Variants in THBS2 observed in about 807,000 individuals in gnomAD.
The protein encoded by THBS2 is thrombospondin 2, also known as thrombospondin-2.
In THBS2, 47 loss-of-function variants were observed where a neutral mutation model predicts 135.2. The ratio of observed to expected loss-of-function variants is 0.35; its 90% CI spans 0.28 to 0.44. THBS2 has a LOEUF of 0.44. Ranked by LOEUF, THBS2 falls within the 20% of genes least tolerant of loss-of-function variation. The probability of loss-of-function intolerance (pLI) is 1.00; values close to 1 mark genes in which losing one functional copy is unlikely to be tolerated. For missense variants in THBS2, 1,288 were observed against 1,603.1 expected, an observed-to-expected ratio of 0.80 and a Z score of 3.36; for synonymous variants, 639 against 633.8, an observed-to-expected ratio of 1.01 and a Z score of -0.12.
intron 1 of THBS2, among the ~76,000 whole-genome samples, chr6:169,251,830 ACCC>A (rs10714692): frequency 8.8e-5 from 7 of 79,212 alleles, no homozygotes; most frequent in Middle Eastern, 6.1e-3. Context: ...TGCTGCTGGG[ACCC>A]CCCCCCCAAA....
At chr6:169,230,430 T>G (rs1779792469) in intron 13 of THBS2, among the ~76,000 whole-genome samples, 1 of 152,176 alleles carries the variant, frequency 6.6e-6, no homozygotes, top group Admixed American at 6.5e-5. Flanking sequence ...GGTCTTGTGC[T>G]GGAGCCCAGA....
intron 15 of THBS2, 51 bp downstream of exon 15, chr6:169,228,071 T>C (rs1319272124): frequency 2.1e-6 from 3 of 1,444,320 alleles, no homozygotes; most frequent in Non-Finnish European, 2.7e-6. Flanking sequence ...TGAAACTCCA[T>C]CTCAAAAAAA....
intron 15 of THBS2, among the ~76,000 whole-genome samples, chr6:169,226,689 A>T (rs572758164): frequency 1.3e-5 from 2 of 152,336 alleles, no homozygotes; most frequent in African/African-American, 4.8e-5. Context: ...GAGTAGGAAA[A>T]AAACAATGGC....
intron 4 of THBS2, among the ~76,000 whole-genome samples, chr6:169,242,997 CTTCCCACCTTCCCACA>C (rs1402274759): frequency 1.2e-4 from 6 of 49,090 alleles, no homozygotes; most frequent in East Asian, 2.4e-3. Context: ...ACATTCGCAC[CTTCCCACCTTCCCACA>C]TTCCCACCTT....
At position 169,239,775 on chromosome 6, in the gene THBS2, T is replaced by C. The variant is rs1180110268; in HGVS notation, c.1033-80A>G. ...GTACAAGGGCTGAGACTAGAAGGGGTCGACAGAATGGCTGAATGTTTTCCA... is the reference window on the plus strand; with the variant it reads ...GTACAAGGGCTGAGACTAGAAGGGGCCGACAGAATGGCTGAATGTTTTCCA... On this transcript the variant is annotated intron_variant, in intron 6 of 21. Transcript: ENST00000617924. 4 of 1,063,978 alleles carry C rather than the reference T, an allele frequency of 3.8e-6. No homozygotes were observed. In the African/African-American group the frequency reaches 6.3e-5, roughly 17 times the overall value. 65.9% of individuals were successfully genotyped at this position (1,063,978 alleles called of 1,614,324 possible). A position where few individuals can be genotyped will look rare whatever the true frequency, so the allele number is the denominator to read the frequency against.
intron 13 of THBS2, among the ~76,000 whole-genome samples, chr6:169,230,963 T>G (rs1355470142): frequency 6.6e-6 from 1 of 152,240 alleles, no homozygotes; most frequent in Non-Finnish European, 1.5e-5. Flanking sequence ...TCAAATGATA[T>G]TTTGTGTCAG....
In THBS2 at chr6:169,248,664, G is replaced by T. The variant is rs150322618; in HGVS notation, c.362C>A (p.Ala121Glu). 1 of 1,614,052 alleles carries T rather than the reference G, an allele frequency of 6.2e-7. No homozygotes were observed. The highest frequency in any genetic ancestry group is 1.7e-5 in the Admixed American group (1 of 60,018). The stretch of plus-strand genomic sequence containing the variant: ...CCAGTAGGTGAGATCCAGCGTGTCC[G>T]CGGGGCCGTTGGAGACGATCTCGAA... ...RQFEIVSNGPADTLDLTYWID... is the reference protein window; with the variant it reads ...RQFEIVSNGPEDTLDLTYWID... The change falls in exon 3 of 22, where the codon GCG becomes GAG. Residue 121 changes from alanine (A) to glutamate (E), a missense_variant. Physicochemically the swap from Ala to Glu is moderately radical, Grantham distance 107 (BLOSUM62 -1). Transcript: ENST00000617924.
At chr6:169,248,185 GT>G (rs1256751552) in intron 3 of THBS2, among the ~76,000 whole-genome samples, 19 of 151,926 alleles carry the variant, frequency 1.3e-4, no homozygotes, top group African/African-American at 4.4e-4. Context: ...TTGTGTGTGT[GT>G]GTGGTGTGTG....
At chr6:169,234,653 A>G in intron 10 of THBS2, 81 bp downstream of exon 10, 1 of 1,330,384 alleles carries the variant, frequency 7.5e-7, no homozygotes. Context: ...TGTGTTTTTC[A>G]TCTAGTTTCC....
rs369717622 is a variant in THBS2 at position 169,230,611 on chromosome 6, AT to A, written c.2152-933del. 1.7e-4 allele frequency among the ~76,000 whole-genome samples: 26 copies of A among 152,334 alleles called. No homozygotes were observed. In the East Asian group the frequency reaches 4.8e-3, roughly 28 times the overall value. ...GTCTCACTTTTAAATCCTTTTGTGT[AT>A]GTGTATATATACATATAACTTTGCA... On this transcript the variant is annotated intron_variant, in intron 13 of 21. Transcript: ENST00000617924.
At chr6:169,250,594 C>T (rs192001746) in intron 2 of THBS2, 139 bp downstream of exon 2, 5 of 628,310 alleles carry the variant, frequency 8.0e-6, no homozygotes, top group African/African-American at 7.4e-5. Flanking sequence ...AAGTAAGTTA[C>T]TATTTGATTT....
chr6:169,240,166 T>C (rs1225906441), intron 6 of THBS2, among the ~76,000 whole-genome samples: 1 of 152,246 alleles, frequency 6.6e-6, no homozygotes, highest in African/African-American at 2.4e-5. Context: ...ATGCAGAGTC[T>C]AGGGCCATGT....
At chr6:169,250,685 C>T in intron 2 of THBS2, 48 bp downstream of exon 2, 1 of 1,568,216 alleles carries the variant, frequency 6.4e-7, no homozygotes, top group Non-Finnish European at 8.7e-7. Context: ...TGCAGCTAAG[C>T]CATATCTCAC....
chr6:169,248,047 GTC>G (rs1780614064), intron 3 of THBS2, among the ~76,000 whole-genome samples: 1 of 127,524 alleles, frequency 7.8e-6, no homozygotes, highest in Admixed American at 7.7e-5. Flanking sequence ...GTGTGTGCGT[GTC>G]TGTGTGTGTG....
At chr6:169,245,988 CT>C (rs766405119) in intron 4 of THBS2, 4 of 411,560 alleles carry the variant, frequency 9.7e-6, no homozygotes, top group Non-Finnish European at 1.7e-5. Flanking sequence ...TTAAAATTAA[CT>C]GTTTAATCAA....
At chr6:169,219,318 A>G (rs1779329126) in intron 21 of THBS2, among the ~76,000 whole-genome samples, 3 of 37,722 alleles carry the variant, frequency 8.0e-5, no homozygotes, top group East Asian at 6.7e-4. Flanking sequence ...TGGATGGATG[A>G]GATGGGTGGG....
chr6:169,241,425 GTATGTGTGTGTGTA>G lies in THBS2; in HGVS notation c.891+323_891+336del, dbSNP rs1562362376. Among the ~76,000 whole-genome samples, 1 of 75,834 alleles carries G rather than the reference GTATGTGTGTGTGTA, an allele frequency of 1.3e-5. No individual in the cohort carries two copies. The highest frequency in any genetic ancestry group is 4.1e-4 in the South Asian group (1 of 2,460). The allele number at this position is 75,834 out of a possible 152,430, so 49.8% of individuals were successfully genotyped here. On this transcript the variant is annotated intron_variant, in intron 5 of 21. Coordinates refer to ENST00000617924, the MANE Select transcript of THBS2 (RefSeq NM_003247.5). This position sits in a 1 kb window ranked among gnomAD's most constrained non-coding sequence, Gnocchi z 5.5. ...GGTGTGTGTGTGTGTGTATGTGTGTGTATGTGTGTGTGTATGTGTGTGTGTGTGTGTACACTCAT... is the reference window on the plus strand; with the variant it reads ...GGTGTGTGTGTGTGTGTATGTGTGTGTGTGTGTGTGTGTGTGTACACTCAT...
At position 169,241,840 on chromosome 6, in the gene THBS2, C is replaced by G; in HGVS notation, c.813G>C (p.Glu271Asp). Residue 271 changes from glutamate to aspartate, a missense_variant, in exon 5 of 22, where the codon GAG (glutamate) becomes GAC (aspartate). Physicochemically the swap from Glu to Asp is conservative, Grantham distance 45. This residue lies in a region of THBS2 where 414 missense variants were observed against 447.0 expected (regional missense o/e 0.93). Transcript: ENST00000617924. The surrounding 1 kb of genome is among the most constrained non-coding windows in gnomAD (Gnocchi z 5.5). ...RRPEVCERSC[E>D]ELGNMVQELS... ...GCTCCTGGACCATGTTTCCCAGCTCCTCGCACGAGCGTTCGCACACCTCGG... is the reference window on the plus strand; with the variant it reads ...GCTCCTGGACCATGTTTCCCAGCTCGTCGCACGAGCGTTCGCACACCTCGG... 6.2e-7 allele frequency: 1 copy of G among 1,612,766 alleles called. No homozygotes were observed.
At chr6:169,238,605 C>T (rs1216134909) in intron 7 of THBS2, among the ~76,000 whole-genome samples, 1 of 152,344 alleles carries the variant, frequency 6.6e-6, no homozygotes, top group East Asian at 1.9e-4. Flanking sequence ...CACTTTTACG[C>T]ATATTGAATT....
Sources: gnomAD v4.1 joint callset for allele counts (sites outside exome capture counted in the v4.1 genomes callset) on GRCh38, gnomAD v4.1.1 for gene constraint, gnomAD v4.1.1 regional missense constraint, Gnocchi (gnomAD v3.1) non-coding constraint, MANE v1.5 for transcripts, NCBI Gene and HGNC (gene_info 2026-07-23, HGNC 2026-07-21) for gene names.